REDIC1: variants seen among roughly 807,000 people sequenced by gnomAD.
REDIC1 encodes the protein regulator of DNA class I crossover intermediates 1, also known as HEI10 Interacting Protein 1.
At chr12:39,800,089 T>C in the REDIC1 span, among the ~76,000 whole-genome samples, 1 of 152,164 alleles carries the variant, frequency 6.6e-6, no homozygotes, top group Non-Finnish European at 1.5e-5. Context: ...CCCATCCCAA[T>C]CTTCTAGGTA....
the REDIC1 span, among the ~76,000 whole-genome samples, chr12:39,661,083 T>A: frequency 4.6e-5 from 7 of 152,298 alleles, no homozygotes; most frequent in South Asian, 1.0e-3. Context: ...TGATTCCATA[T>A]CTTTGCTATT....
chr12:39,828,752 G>A, the REDIC1 span, among the ~76,000 whole-genome samples: 2 of 151,360 alleles, frequency 1.3e-5, no homozygotes, highest in Non-Finnish European at 2.9e-5. Context: ...AACTCTAAAG[G>A]TTTAAAGCTG....
chr12:39,653,683 C>G, the REDIC1 span, among the ~76,000 whole-genome samples: 1 of 151,390 alleles, frequency 6.6e-6, no homozygotes, highest in Non-Finnish European at 1.5e-5. Context: ...CTTAACTTTG[C>G]TAACTAGAGC....
At chr12:39,852,219 T>TG in the REDIC1 span, among the ~76,000 whole-genome samples, 2 of 152,214 alleles carry the variant, frequency 1.3e-5, no homozygotes, top group African/African-American at 4.8e-5. Flanking sequence ...GTTTTCAAAC[T>TG]GAGTCCATAA....
chr12:39,714,419 A>T, the REDIC1 span, among the ~76,000 whole-genome samples: 4 of 151,308 alleles, frequency 2.6e-5, no homozygotes, highest in African/African-American at 7.3e-5. Flanking sequence ...GTGTTTAGAT[A>T]TATACACACA....
the REDIC1 span, among the ~76,000 whole-genome samples, chr12:39,655,110 CT>C: frequency 8.5e-4 from 130 of 152,114 alleles, 1 homozygote; most frequent in East Asian, 7.1e-3. Flanking sequence ...CATTCTCTCT[CT>C]TTTTTTCATG....
chr12:39,826,433 T>A, the REDIC1 span, among the ~76,000 whole-genome samples: 1 of 151,430 alleles, frequency 6.6e-6, no homozygotes, highest in African/African-American at 2.4e-5. Context: ...AAAACAGTTA[T>A]ATTTAGATGT....
chr12:39,850,154 T>C, the REDIC1 span, among the ~76,000 whole-genome samples: 2 of 152,110 alleles, frequency 1.3e-5, no homozygotes, highest in Non-Finnish European at 2.9e-5. Context: ...CCTTCCACAA[T>C]AATAAAGGAG....
At chr12:39,663,807 A>G in the REDIC1 span, among the ~76,000 whole-genome samples, 2 of 151,820 alleles carry the variant, frequency 1.3e-5, no homozygotes, top group Admixed American at 1.3e-4. Context: ...CTTTGAGGTG[A>G]AAAAGTCACC....
At chr12:39,778,385 G>A in the REDIC1 span, among the ~76,000 whole-genome samples, 4 of 152,170 alleles carry the variant, frequency 2.6e-5, no homozygotes, top group Non-Finnish European at 5.9e-5. Context: ...GGGGCCAGCT[G>A]TAGGGATGAC....
chr12:39,851,548 C>T, the REDIC1 span, among the ~76,000 whole-genome samples: 1 of 152,084 alleles, frequency 6.6e-6, no homozygotes, highest in Non-Finnish European at 1.5e-5. Context: ...AATGTTTGGT[C>T]TAGGCTAAAA....
chr12:39,647,751 A>G, the REDIC1 span: 2 of 1,301,200 alleles, frequency 1.5e-6, no homozygotes, highest in South Asian at 1.8e-5. Context: ...TCTAGTTTAT[A>G]TATTTTGGTA....
the REDIC1 span, among the ~76,000 whole-genome samples, chr12:39,804,961 G>T: frequency 8.0e-6 from 1 of 125,518 alleles, no homozygotes; most frequent in South Asian, 3.0e-4. Flanking sequence ...GAAGACTTTG[G>T]CACTTGCTTG....
chr12:39,704,839 G>A, the REDIC1 span, among the ~76,000 whole-genome samples: 28 of 151,924 alleles, frequency 1.8e-4, no homozygotes, highest in African/African-American at 3.4e-4. Context: ...ACCAAACACC[G>A]CATATTCTCA....
chr12:39,719,997 A>G, the REDIC1 span, among the ~76,000 whole-genome samples: 7 of 151,958 alleles, frequency 4.6e-5, no homozygotes, highest in African/African-American at 1.7e-4. Flanking sequence ...TTAACTTTGT[A>G]TTTTTAACTT....
chr12:39,859,295 G>A, the REDIC1 span, among the ~76,000 whole-genome samples: 13 of 25,390 alleles, frequency 5.1e-4, no homozygotes, highest in Middle Eastern at 0.028. Context: ...CAAAAAAAAA[G>A]AAAAAGAAAG....
chr12:39,660,580 G>T, the REDIC1 span, among the ~76,000 whole-genome samples: 5 of 151,992 alleles, frequency 3.3e-5, no homozygotes, highest in East Asian at 9.6e-4. Flanking sequence ...GTTGTTGCAT[G>T]CATGGAATGT....
At chr12:39,887,704 G>A in the REDIC1 span, among the ~76,000 whole-genome samples, 1 of 152,106 alleles carries the variant, frequency 6.6e-6, no homozygotes. Flanking sequence ...CTATCATTCT[G>A]TTGTGAAGAC....
chr12:39,721,862 T>C, the REDIC1 span: 2 of 152,140 alleles, frequency 1.3e-5, no homozygotes, highest in East Asian at 3.8e-4. Flanking sequence ...AAAGATGTTT[T>C]AATGTTTTTA....
Sources: allele counts gnomAD v4.1 joint callset (sites outside exome capture counted in the v4.1 genomes callset), GRCh38; gene constraint gnomAD v4.1.1; transcripts MANE v1.5; gene names NCBI Gene and HGNC (gene_info 2026-07-23, HGNC 2026-07-21).